The following ANKRD30B variants were observed in gnomAD, a reference collection of about 807,000 sequenced individuals.
The protein encoded by ANKRD30B is ankyrin repeat domain-containing protein 30B.
Under a neutral mutation model 202.2 loss-of-function variants are expected in ANKRD30B, and 144 were observed. The observed-to-expected ratio is 0.71, with a 90% CI of 0.62 to 0.82. The LOEUF (loss-of-function observed/expected upper bound fraction) is 0.82. Among genes scored for constraint, ANKRD30B ranks in the 40% least tolerant of loss-of-function variants. The pLI is 0.00. For synonymous variants in ANKRD30B, 508 were observed against 561.3 expected (o/e 0.91, Z 1.34); for missense variants, 1,487 against 1,669.1 (o/e 0.89, Z 1.90).
the ANKRD30B span, among the ~76,000 whole-genome samples, chr18:14,878,535 G>T: frequency 1.2e-3 from 181 of 152,006 alleles, no homozygotes; most frequent in African/African-American, 4.0e-3. Context: ...CAGAAAGTCT[G>T]CAAACTCCAT....
At chr18:14,755,413 T>A (rs571475404) in intron 4 of ANKRD30B, among the ~76,000 whole-genome samples, 1 of 152,250 alleles carries the variant, frequency 6.6e-6, no homozygotes, top group East Asian at 1.9e-4. Flanking sequence ...TTATTATTAT[T>A]ATACTTTTAA....
chr18:14,903,917 G>C, the ANKRD30B span, among the ~76,000 whole-genome samples: 1,452 of 152,276 alleles, frequency 9.5e-3, 29 homozygotes, highest in African/African-American at 0.03. Context: ...CCAGATACCT[G>C]TGTAAGCTAT....
At chr18:14,864,445 A>AT in the ANKRD30B span, among the ~76,000 whole-genome samples, 1 of 152,002 alleles carries the variant, frequency 6.6e-6, no homozygotes, top group African/African-American at 2.4e-5. Context: ...AACAGGAGGA[A>AT]TTTTTTTCCT....
chr18:14,870,542 C>T, the ANKRD30B span, among the ~76,000 whole-genome samples: 14 of 152,084 alleles, frequency 9.2e-5, no homozygotes, highest in Non-Finnish European at 1.9e-4. Flanking sequence ...TTCCCACAGG[C>T]GTTTGGAAGC....
intron 15 of ANKRD30B, among the ~76,000 whole-genome samples, chr18:14,790,851 C>CT (rs919164393): frequency 3.3e-5 from 5 of 151,756 alleles, no homozygotes; most frequent in Non-Finnish European, 2.9e-5. Flanking sequence ...CTAAAATTCT[C>CT]TTTTTTTTGT....
At chr18:14,798,657 G>A (rs144462245) in intron 20 of ANKRD30B, among the ~76,000 whole-genome samples, 15 of 152,200 alleles carry the variant, frequency 9.9e-5, no homozygotes, top group African/African-American at 3.1e-4. Context: ...CCCTCCGTGC[G>A]TCCATTTATA....
At chr18:14,928,969 A>G in the ANKRD30B span, among the ~76,000 whole-genome samples, 1 of 152,168 alleles carries the variant, frequency 6.6e-6, no homozygotes, top group South Asian at 2.1e-4. Flanking sequence ...CTAAACTAGA[A>G]CTATTCCTCT....
At chr18:14,932,580 C>T in the ANKRD30B span, among the ~76,000 whole-genome samples, 346 of 152,240 alleles carry the variant, frequency 2.3e-3, 2 homozygotes, top group East Asian at 0.03. Flanking sequence ...CCTCGTGATC[C>T]GCCCGCTTCC....
intron 1 of ANKRD30B, among the ~76,000 whole-genome samples, chr18:14,751,050 T>C (rs11872373): frequency 0.33 from 49,971 of 151,896 alleles, 8,633 homozygotes; most frequent in Middle Eastern, 0.41. Flanking sequence ...TCACTTTCTA[T>C]ATTTTATTTT....
chr18:14,880,613 G>C, the ANKRD30B span, among the ~76,000 whole-genome samples: 1 of 145,784 alleles, frequency 6.9e-6, no homozygotes, highest in Non-Finnish European at 1.5e-5. Context: ...TCGCTGAGGT[G>C]GGAGTGCAAT....
the ANKRD30B span, among the ~76,000 whole-genome samples, chr18:14,936,154 C>T: frequency 2.0e-5 from 3 of 152,204 alleles, no homozygotes; most frequent in African/African-American, 7.2e-5. Context: ...CTTTCCTTCT[C>T]CTGGGCCCAA....
intron 24 of ANKRD30B, among the ~76,000 whole-genome samples, chr18:14,807,827 T>C (rs1356296390): frequency 6.6e-6 from 1 of 151,066 alleles, no homozygotes; most frequent in Non-Finnish European, 1.5e-5. Flanking sequence ...CCACGGCACC[T>C]GGACTGTATT....
intron 30 of ANKRD30B, among the ~76,000 whole-genome samples, chr18:14,817,609 A>T (rs1487664722): frequency 6.6e-6 from 1 of 152,196 alleles, no homozygotes; most frequent in African/African-American, 2.4e-5. Context: ...TATTTTCTTC[A>T]TAAAGGAAAA....
At chr18:14,892,881 G>GCACTC in the ANKRD30B span, among the ~76,000 whole-genome samples, 1 of 151,688 alleles carries the variant, frequency 6.6e-6, no homozygotes, top group African/African-American at 2.4e-5. Context: ...TCACACCACA[G>GCACTC]CACTCCAGTC....
the ANKRD30B span, among the ~76,000 whole-genome samples, chr18:14,931,769 C>T: frequency 2.6e-5 from 4 of 152,092 alleles, no homozygotes; most frequent in Non-Finnish European, 5.9e-5. Context: ...CCACACCCTC[C>T]CTCCTCTCTC....
intron 37 of ANKRD30B, among the ~76,000 whole-genome samples, chr18:14,842,041 G>T (rs1435218249): frequency 6.6e-6 from 1 of 151,998 alleles, no homozygotes; most frequent in Non-Finnish European, 1.5e-5. Context: ...AATAAACAAA[G>T]CCAACTAATT....
the ANKRD30B span, among the ~76,000 whole-genome samples, chr18:14,921,485 C>A: frequency 6.6e-6 from 1 of 152,150 alleles, no homozygotes; most frequent in Admixed American, 6.5e-5. Context: ...TCACGAGGCC[C>A]CACCCTGTCT....
intron 24 of ANKRD30B, among the ~76,000 whole-genome samples, chr18:14,805,675 G>T (rs1352152184): frequency 6.6e-6 from 1 of 150,892 alleles, no homozygotes; most frequent in Non-Finnish European, 1.5e-5. Flanking sequence ...TATTTGTAAT[G>T]ATATAAATTA....
chr18:14,854,429 T>C lies in ANKRD30B; in HGVS notation c.*271T>C, dbSNP rs1344250385. ...TGGGATGGGGGTAGAATCCCATGCATGAGAAGGGGACAGGTCCTTTCTTCA... is the reference window on the plus strand; with the variant it reads ...TGGGATGGGGGTAGAATCCCATGCACGAGAAGGGGACAGGTCCTTTCTTCA... On this transcript the variant is annotated 3_prime_UTR_variant, in exon 44 of 44. Coordinates refer to ENST00000690538, the MANE Select transcript of ANKRD30B (RefSeq NM_001367607.2). Among the ~76,000 whole-genome samples, 1 of 152,188 alleles carries C rather than the reference T, an allele frequency of 6.6e-6. No individual in the cohort carries two copies. The highest frequency in any genetic ancestry group is 1.5e-5 in the Non-Finnish European group (1 of 68,040).
Sources: gnomAD v4.1 joint callset for allele counts (sites outside exome capture counted in the v4.1 genomes callset) on GRCh38, gnomAD v4.1.1 for gene constraint, MANE v1.5 for transcripts, NCBI Gene and HGNC (gene_info 2026-07-23, HGNC 2026-07-21) for gene names.